EXT1: variants seen among roughly 807,000 people sequenced by gnomAD.
EXT1 encodes exostosin glycosyltransferase 1, also known as exostosin-1.
A neutral mutation model predicts 82.5 loss-of-function variants in EXT1; 20 were observed. The observed-to-expected ratio is 0.24, with a 90% CI of 0.17 to 0.35. EXT1 has a LOEUF of 0.35. Among genes scored for constraint, EXT1 ranks in the 10% least tolerant of loss-of-function variants. The probability of loss-of-function intolerance (pLI) is 1.00; values close to 1 mark genes in which losing one functional copy is unlikely to be tolerated. For synonymous variants in EXT1, 348 were observed against 350.8 expected (o/e 0.99, Z 0.09); for missense variants, 757 against 936.5 (o/e 0.81, Z 2.50).
intron 1 of EXT1, among the ~76,000 whole-genome samples, chr8:117,869,834 A>G (rs1430714432): frequency 7.2e-5 from 11 of 152,292 alleles, no homozygotes; most frequent in Admixed American, 6.5e-4. Context: ...TCACACATAT[A>G]TATCTCCTTG....
At chr8:118,106,433 C>A (rs182238703) in intron 1 of EXT1, among the ~76,000 whole-genome samples, 7 of 152,316 alleles carry the variant, frequency 4.6e-5, no homozygotes, top group African/African-American at 1.7e-4. Flanking sequence ...GTTTCTACAT[C>A]TGTAAAAATC....
chr8:118,055,296 T>C (rs1427984079), intron 1 of EXT1, among the ~76,000 whole-genome samples: 1 of 152,236 alleles, frequency 6.6e-6, no homozygotes, highest in Non-Finnish European at 1.5e-5. Context: ...GGATCATCCA[T>C]GTCAGCATGT....
At chr8:118,078,338 A>C (rs565815924) in intron 1 of EXT1, among the ~76,000 whole-genome samples, 6 of 152,328 alleles carry the variant, frequency 3.9e-5, no homozygotes, top group African/African-American at 1.4e-4. Flanking sequence ...AGCTGGGATC[A>C]CAGGCACAGG....
intron 1 of EXT1, among the ~76,000 whole-genome samples, chr8:117,850,431 G>T (rs1477527348): frequency 1.3e-5 from 2 of 152,158 alleles, no homozygotes; most frequent in African/African-American, 4.8e-5. Flanking sequence ...ACGGCCAGTC[G>T]ACCATATCCC....
intron 1 of EXT1, among the ~76,000 whole-genome samples, chr8:117,959,635 A>G (rs969907344): frequency 6.6e-6 from 1 of 152,188 alleles, no homozygotes; most frequent in African/African-American, 2.4e-5. Flanking sequence ...AGTAAGGGAG[A>G]TAATTATATT....
chr8:117,868,779 T>C (rs1812817198), intron 1 of EXT1, among the ~76,000 whole-genome samples: 1 of 152,096 alleles, frequency 6.6e-6, no homozygotes, highest in Non-Finnish European at 1.5e-5. Flanking sequence ...AGGTAGAGGC[T>C]ATATATATTC....
intron 1 of EXT1, among the ~76,000 whole-genome samples, chr8:117,983,300 G>T (rs13260360): frequency 6.6e-6 from 1 of 151,824 alleles, no homozygotes; most frequent in South Asian, 2.1e-4. Flanking sequence ...CCTGGGCAAC[G>T]TGGTGAGATC....
At chr8:118,066,803 A>G (rs936120794) in intron 1 of EXT1, among the ~76,000 whole-genome samples, 1 of 152,196 alleles carries the variant, frequency 6.6e-6, no homozygotes, top group Non-Finnish European at 1.5e-5. Context: ...AAAATTATAC[A>G]TGGTTTTTCA....
At chr8:118,097,780 T>A (rs1248789289) in intron 1 of EXT1, among the ~76,000 whole-genome samples, 2 of 152,126 alleles carry the variant, frequency 1.3e-5, no homozygotes, top group East Asian at 3.9e-4. Context: ...GTTGAGTAAA[T>A]CAATGAAAAA....
chr8:117,913,143 AC>A (rs1172104846), intron 1 of EXT1, among the ~76,000 whole-genome samples: 1 of 152,032 alleles, frequency 6.6e-6, no homozygotes, highest in African/African-American at 2.4e-5. Context: ...AATCGCTTGA[AC>A]CCGGGAGGTG....
intron 1 of EXT1, among the ~76,000 whole-genome samples, chr8:117,941,129 C>G (rs1283113771): frequency 6.6e-6 from 1 of 152,218 alleles, no homozygotes; most frequent in East Asian, 1.9e-4. Context: ...GCATGAGAAA[C>G]CCCGTCTCGG....
chr8:118,007,312 AAAG>A (rs1815800331), intron 1 of EXT1, among the ~76,000 whole-genome samples: 3 of 152,136 alleles, frequency 2.0e-5, no homozygotes, highest in Non-Finnish European at 4.4e-5. Context: ...AAAAACAAAA[AAAG>A]CATTTGATGG....
At chr8:117,894,223 G>A (rs867989773) in intron 1 of EXT1, among the ~76,000 whole-genome samples, 1 of 151,400 alleles carries the variant, frequency 6.6e-6, no homozygotes, top group South Asian at 2.1e-4. Flanking sequence ...TGTTGTTGTT[G>A]AGATGAGGTC....
In EXT1 at chr8:118,110,483, C is replaced by T; in HGVS notation, c.564G>A (p.Arg188=). The part of the protein sequence containing the change: ...VQSLHLWNNG[R]NHLIFNLYSG... ...AATATAAATTAAAAATTAAATGATT[C>T]CTACCATTGTTCCACAAGTGGAGAC... Residue 188 remains arginine (R), a synonymous_variant, in exon 1 of 11, where the codon AGG becomes AGA. Coordinates refer to ENST00000378204, the MANE Select transcript of EXT1 (RefSeq NM_000127.3). 6.2e-7 allele frequency: 1 copy of T among 1,614,092 alleles called. No individual in the cohort carries two copies. Among genetic ancestry groups the T allele is most frequent in the Non-Finnish European group, 8.5e-7 (1 of 1,180,028 alleles).
At chr8:117,840,588 G>T (rs926846712) in intron 1 of EXT1, among the ~76,000 whole-genome samples, 21 of 150,770 alleles carry the variant, frequency 1.4e-4, no homozygotes, top group African/African-American at 4.6e-4. Flanking sequence ...CTCCAGCCTG[G>T]GCAACAAGAG....
intron 1 of EXT1, among the ~76,000 whole-genome samples, chr8:118,030,232 C>A (rs1816282270): frequency 1.3e-5 from 2 of 149,368 alleles, no homozygotes; most frequent in African/African-American, 2.5e-5. Context: ...TATGTTTTCC[C>A]ATACTTAGAA....
intron 1 of EXT1, among the ~76,000 whole-genome samples, chr8:117,896,248 C>T (rs190766444): frequency 1.3e-5 from 2 of 152,224 alleles, no homozygotes; most frequent in Non-Finnish European, 2.9e-5. Flanking sequence ...ACAACTTGCA[C>T]CAAAAAAATC....
At position 117,799,769 on chromosome 8, in the gene EXT1, G is replaced by A. The variant is rs930112781; in HGVS notation, c.2184C>T (p.Leu728=). Residue 728 remains leucine, a synonymous_variant, in exon 11 of 11, where the codon CTC becomes CTT. Transcript: ENST00000378204. Reference sequence around the variant, plus strand: ...TCAAAATAGAGACCTGGTCTTTAAAGAGGACGGGGTCGAGCCTCATCTGAG... The same window carrying A: ...TCAAAATAGAGACCTGGTCTTTAAAAAGGACGGGGTCGAGCCTCATCTGAG... The part of the protein sequence containing the change: ...IHSQMRLDPV[L]FKDQVSILRK... 4 of 1,614,174 alleles carry A rather than the reference G, an allele frequency of 2.5e-6. No individual in the cohort carries two copies. The highest frequency in any genetic ancestry group is 3.4e-6 in the Non-Finnish European group (4 of 1,180,028).
intron 1 of EXT1, among the ~76,000 whole-genome samples, chr8:118,063,476 C>T (rs1816918876): frequency 6.6e-6 from 1 of 152,240 alleles, no homozygotes; most frequent in African/African-American, 2.4e-5. Context: ...GTCACACAAT[C>T]ACAGTCTGGA....
Sources: gnomAD v4.1 joint callset for allele counts (sites outside exome capture counted in the v4.1 genomes callset) on GRCh38, gnomAD v4.1.1 for gene constraint, MANE v1.5 for transcripts, NCBI Gene and HGNC (gene_info 2026-07-23, HGNC 2026-07-21) for gene names.